HCFC2: variants seen among roughly 807,000 people sequenced by gnomAD.
HCFC2 encodes host cell factor C2, also known as host cell factor 2.
Under a neutral mutation model 89.2 loss-of-function variants are expected in HCFC2, and 18 were observed. The observed-to-expected ratio is 0.20, with a 90% confidence interval of 0.14 to 0.30. The LOEUF (loss-of-function observed/expected upper bound fraction) is 0.30. Among genes scored for constraint, HCFC2 ranks in the 10% least tolerant of loss-of-function variants. HCFC2 has a pLI of 1.00. For missense variants in HCFC2, 578 were observed against 956.1 expected (o/e 0.60, Z 5.21); for synonymous variants, 308 against 335.7 (o/e 0.92, Z 0.90).
chr12:104,088,096 A>G, intron 9 of HCFC2, 58 bp downstream of exon 9: 1 of 1,259,244 alleles, frequency 7.9e-7, no homozygotes, highest in Non-Finnish European at 1.1e-6. Context: ...CTCAATTTTT[A>G]TTCAGATATT....
intron 13 of HCFC2, among the ~76,000 whole-genome samples, chr12:104,101,517 T>C (rs1318515510): frequency 6.6e-6 from 1 of 152,124 alleles, no homozygotes; most frequent in Non-Finnish European, 1.5e-5. Context: ...TACTACATGC[T>C]AGTCACTCCT....
chr12:104,103,327 T>C lies in HCFC2; in HGVS notation c.*54T>C, dbSNP rs955153823. 12 of 1,390,440 alleles carry C rather than the reference T, an allele frequency of 8.6e-6. No homozygotes were observed. The Middle Eastern group carries it at 5.5e-4, about 64-fold the overall frequency. The allele number at this position is 1,390,440 out of a possible 1,614,324, so 86.1% of individuals were successfully genotyped here. On this transcript the variant is annotated 3_prime_UTR_variant, in exon 15 of 15. Transcript: ENST00000229330. ...TGATGATTATTTATTAGTAACTGGT[T>C]ATGAAGATTTGTCATTTAAAAGAGT...
chr12:104,082,581 C>T lies in HCFC2; in HGVS notation c.849C>T (p.Thr283=). ...TSPHDCEWRC[T]SSFSYLNLDT... ...CTCATGATTGTGAATGGAGATGTAC[C>T]AGTTCATTTTCTTACCTAAATCTGG... Residue 283 remains threonine, a synonymous_variant, in exon 6 of 15, where the codon ACC becomes ACT. Transcript: ENST00000229330. The T allele has an allele frequency of 3.7e-6, 6 of 1,612,774 alleles. No homozygotes were observed. The highest frequency in any genetic ancestry group is 5.1e-6 in the Non-Finnish European group (6 of 1,178,946).
intron 3 of HCFC2, among the ~76,000 whole-genome samples, chr12:104,074,954 A>G (rs1593594199): frequency 1.3e-5 from 2 of 152,090 alleles, no homozygotes; most frequent in South Asian, 4.1e-4. Flanking sequence ...TGCCTTTTCA[A>G]TTTCTTCTAT....
intron 7 of HCFC2, among the ~76,000 whole-genome samples, chr12:104,086,123 G>A (rs1166996400): frequency 6.6e-6 from 1 of 150,660 alleles, no homozygotes; most frequent in Middle Eastern, 3.4e-3. Context: ...TTAGCCTTCC[G>A]AGTACCTGGA....
chr12:104,074,928 G>T (rs928344584), intron 3 of HCFC2, among the ~76,000 whole-genome samples: 1 of 151,972 alleles, frequency 6.6e-6, no homozygotes, highest in South Asian at 2.1e-4. Context: ...CCTGGGATTG[G>T]TATATGATCT....
At chr12:104,069,900 C>G (rs914712897) in intron 3 of HCFC2, among the ~76,000 whole-genome samples, 1 of 152,112 alleles carries the variant, frequency 6.6e-6, no homozygotes, top group Non-Finnish European at 1.5e-5. Flanking sequence ...TTCCCTCTGT[C>G]CATGTTTTCT....
At chr12:104,077,277 G>A (rs1217196527) in intron 3 of HCFC2, among the ~76,000 whole-genome samples, 3 of 150,486 alleles carry the variant, frequency 2.0e-5, no homozygotes, top group Non-Finnish European at 4.4e-5. Context: ...GAGTCTCGTT[G>A]TGTCACCCAG....
chr12:104,069,854 T>G (rs1883266146), intron 3 of HCFC2, among the ~76,000 whole-genome samples: 1 of 152,046 alleles, frequency 6.6e-6, no homozygotes, highest in Non-Finnish European at 1.5e-5. Flanking sequence ...CCCCTTGCCC[T>G]GCAACCCCCG....
Position 104,094,200 on chromosome 12 carries a change from C to T in HCFC2, c.1462+637C>T, listed in dbSNP as rs114445980. 1.8e-3 allele frequency among the ~76,000 whole-genome samples: 267 copies of T among 152,190 alleles called. 1 individual carries two copies. The highest frequency in any genetic ancestry group is 5.9e-3 in the African/African-American group (245 of 41,544). On this transcript the variant is annotated intron_variant, in intron 10 of 14. Transcript: ENST00000229330. The stretch of plus-strand genomic sequence containing the variant: ...CTGGTAAAGATTTCTAATGGGCAGT[C>T]GGATACTTAGGCCTGGAGTCTAGAA...
chr12:104,068,334 GT>G lies in HCFC2; in HGVS notation c.473+228del, dbSNP rs1883216565. Among the ~76,000 whole-genome samples the G allele has an allele frequency of 6.6e-6, 1 of 152,078 alleles. No homozygotes were observed. The highest frequency in any genetic ancestry group is 1.5e-5 in the Non-Finnish European group (1 of 68,026). On this transcript the variant is annotated intron_variant, in intron 3 of 14. Transcript: ENST00000229330. The surrounding 1 kb of genome is among the most constrained non-coding windows in gnomAD (Gnocchi z 4.1). Reference sequence around the variant, plus strand: ...CATTGGAGCTAAAAACAAAAAAACTGTGTCTTTCTAATGAGAAATCATCTTA... The same window carrying G: ...CATTGGAGCTAAAAACAAAAAAACTGGTCTTTCTAATGAGAAATCATCTTA...
intron 7 of HCFC2, among the ~76,000 whole-genome samples, chr12:104,083,575 G>C (rs1329851982): frequency 6.6e-6 from 1 of 152,126 alleles, no homozygotes; most frequent in Non-Finnish European, 1.5e-5. Context: ...TGAGTTAATA[G>C]TATTACACCA....
chr12:104,085,506 G>A (rs922260533), intron 7 of HCFC2, among the ~76,000 whole-genome samples: 1 of 152,108 alleles, frequency 6.6e-6, no homozygotes, highest in Admixed American at 6.5e-5. Flanking sequence ...TTCTCTAAGG[G>A]ATCTGTGACT....
At chr12:104,079,179 TTGA>T (rs1034251400) in intron 3 of HCFC2, among the ~76,000 whole-genome samples, 21 of 152,300 alleles carry the variant, frequency 1.4e-4, no homozygotes, top group African/African-American at 4.8e-4. Flanking sequence ...CAAGTTGTCA[TTGA>T]TAAGAGTGTT....
chr12:104,065,092 A>C, intron 1 of HCFC2: 5 of 175,718 alleles, frequency 2.8e-5, no homozygotes, highest in Non-Finnish European at 4.8e-5. Context: ...CTCCAAACCA[A>C]AGTTCCTTAG....
chr12:104,085,126 G>A (rs537697294), intron 7 of HCFC2, among the ~76,000 whole-genome samples: 1 of 152,266 alleles, frequency 6.6e-6, no homozygotes, highest in South Asian at 2.1e-4. Flanking sequence ...ATTATAAATA[G>A]AAAACTTGGA....
intron 3 of HCFC2, among the ~76,000 whole-genome samples, chr12:104,069,922 T>G (rs1405098155): frequency 6.6e-6 from 1 of 152,182 alleles, no homozygotes; most frequent in East Asian, 1.9e-4. Flanking sequence ...ATTGTTCAGC[T>G]CCCTCTTATG....
At chr12:104,087,068 A>G (rs1301108067) in intron 8 of HCFC2, 54 bp downstream of exon 8, 43 of 1,580,336 alleles carry the variant, frequency 2.7e-5, no homozygotes, top group Non-Finnish European at 3.5e-5. Context: ...TTAAAAATAT[A>G]TACTGGCCGG....
chr12:104,067,065 C>T (rs1480802385), intron 2 of HCFC2, among the ~76,000 whole-genome samples: 2 of 151,994 alleles, frequency 1.3e-5, no homozygotes, highest in African/African-American at 2.4e-5. Flanking sequence ...TGGGATTAGC[C>T]GACGTGAGCC....
Sources: allele counts gnomAD v4.1 joint callset (sites outside exome capture counted in the v4.1 genomes callset), GRCh38; gene constraint gnomAD v4.1.1; non-coding constraint Gnocchi (gnomAD v3.1); transcripts MANE v1.5; gene names NCBI Gene and HGNC (gene_info 2026-07-23, HGNC 2026-07-21).